The following MAPK4 variants were observed in gnomAD, a reference collection of about 807,000 sequenced individuals.
MAPK4 encodes mitogen-activated protein kinase 4.
Under a neutral mutation model 47.7 loss-of-function variants are expected in MAPK4, and 22 were observed. That is an observed-to-expected ratio of 0.46 (90% CI 0.33 to 0.66). The LOEUF is 0.66. MAPK4 is among the 30% of genes least tolerant of loss of function. The pLI is 0.02. For synonymous variants in MAPK4, 390 were observed against 365.7 expected (o/e 1.07, Z -0.76); for missense variants, 736 against 831.7 (o/e 0.88, Z 1.42).
intron 1 of MAPK4, among the ~76,000 whole-genome samples, chr18:50,597,472 G>A (rs1453492491): frequency 1.3e-5 from 2 of 152,170 alleles, no homozygotes; most frequent in Non-Finnish European, 2.9e-5. Context: ...ATAGGTTTCT[G>A]GTTTTACATC....
In MAPK4 at chr18:50,730,300, G is replaced by C. The variant is rs143981075; in HGVS notation, c.*446G>C. Reference sequence around the variant, plus strand: ...AAGATCACAGGCTTAGTGTGAGGACGAGCTTGAAATCCCAGTCTCCTGGCC... The same window carrying C: ...AAGATCACAGGCTTAGTGTGAGGACCAGCTTGAAATCCCAGTCTCCTGGCC... On this transcript the variant is annotated 3_prime_UTR_variant, in exon 6 of 6. Coordinates refer to ENST00000400384, the MANE Select transcript of MAPK4 (RefSeq NM_002747.4). The C allele has an allele frequency of 1.7e-3, 271 of 155,112 alleles. 3 individuals carry two copies. The highest frequency in any genetic ancestry group is 6.5e-3 in the Middle Eastern group (2 of 308). The allele number at this position is 155,112 out of a possible 1,614,324, so 9.6% of individuals were successfully genotyped here.
intron 2 of MAPK4, among the ~76,000 whole-genome samples, chr18:50,710,263 G>C (rs1477939405): frequency 6.6e-6 from 1 of 152,070 alleles, no homozygotes; most frequent in African/African-American, 2.4e-5. Context: ...TGGGAGGATT[G>C]CTTGAGCTCA....
intron 2 of MAPK4, among the ~76,000 whole-genome samples, chr18:50,700,261 G>A (rs1909717039): frequency 6.6e-6 from 1 of 152,152 alleles, no homozygotes; most frequent in African/African-American, 2.4e-5. Flanking sequence ...TGTCACTCAG[G>A]AAATTCCAAG....
At chr18:50,700,904 A>G (rs1909751704) in intron 2 of MAPK4, among the ~76,000 whole-genome samples, 1 of 151,956 alleles carries the variant, frequency 6.6e-6, no homozygotes, top group Non-Finnish European at 1.5e-5. Flanking sequence ...AGGAAATCAA[A>G]CCTTTTCTGG....
In MAPK4 at chr18:50,725,984, C is replaced by T. The variant is rs1911171477; in HGVS notation, c.876C>T (p.Ile292=). Residue 292 remains isoleucine (I), a synonymous_variant, in exon 5 of 6, where the codon ATC becomes ATT. Coordinates refer to ENST00000400384, the MANE Select transcript of MAPK4 (RefSeq NM_002747.4). ...NSEAIDFLEK[I]LTFNPMDRLT... is the part of the protein sequence containing the mutation. ...CAGCCATCGACTTTCTGGAGAAGAT[C>T]CTGACCTTTAACCCCATGGATCGCC... 1 of 1,614,064 alleles carries T rather than the reference C, an allele frequency of 6.2e-7. No individual in the cohort carries two copies. Among genetic ancestry groups the T allele is most frequent in the Non-Finnish European group, 8.5e-7 (1 of 1,180,048 alleles).
intron 2 of MAPK4, among the ~76,000 whole-genome samples, chr18:50,666,120 T>C (rs906586468): frequency 1.3e-5 from 2 of 152,200 alleles, no homozygotes; most frequent in Non-Finnish European, 2.9e-5. Flanking sequence ...AAGAACCTGA[T>C]TAAGTGAGCT....
At chr18:50,608,731 G>T (rs2338831) in intron 1 of MAPK4, among the ~76,000 whole-genome samples, 146,349 of 151,774 alleles carry the variant, frequency 0.96, 70,759 homozygotes, top group South Asian at 1. Context: ...TATTATTTTT[G>T]TTTAGTATTT....
chr18:50,597,568 T>C (rs570279060), intron 1 of MAPK4, among the ~76,000 whole-genome samples: 17 of 152,362 alleles, frequency 1.1e-4, no homozygotes, highest in Non-Finnish European at 2.4e-4. Context: ...TACAGTGATC[T>C]ACTTTCTTAG....
chr18:50,576,320 G>A (rs2042297084), intron 1 of MAPK4, among the ~76,000 whole-genome samples: 1 of 152,184 alleles, frequency 6.6e-6, no homozygotes, highest in Non-Finnish European at 1.5e-5. Context: ...AGAAGAACAA[G>A]GAGATCATGT....
intron 1 of MAPK4, among the ~76,000 whole-genome samples, chr18:50,593,814 C>CA (rs1224255691): frequency 2.6e-5 from 4 of 152,150 alleles, no homozygotes; most frequent in Non-Finnish European, 5.9e-5. Flanking sequence ...CTACCTGAGT[C>CA]AGGGTTCTCC....
chr18:50,729,505 C>A lies in MAPK4; in HGVS notation c.1415C>A (p.Thr472Lys), dbSNP rs777927956. 2.2e-5 allele frequency: 32 copies of A among 1,454,190 alleles called. No homozygotes were observed. Among genetic ancestry groups the A allele is most frequent in the Non-Finnish European group, 5.5e-6 (6 of 1,100,376 alleles). 90.1% of individuals were successfully genotyped at this position (1,454,190 alleles called of 1,614,324 possible). ...AAGCAGGCGGCCGGCGCGCCCCCCACGGCCACGGGGCTGGCGGACACGGGG... is the reference window on the plus strand; with the variant it reads ...AAGCAGGCGGCCGGCGCGCCCCCCAAGGCCACGGGGCTGGCGGACACGGGG... The part of the protein sequence containing the change: ...HWKQAAGAPP[T>K]ATGLADTGAR... The change falls in exon 6 of 6, where the codon ACG (threonine) becomes AAG (lysine). Residue 472 changes from threonine to lysine, a missense_variant. Physicochemically the swap from Thr to Lys is moderately conservative, Grantham distance 78. Transcript: ENST00000400384.
intron 1 of MAPK4, among the ~76,000 whole-genome samples, chr18:50,655,178 G>A (rs942201254): frequency 1.3e-5 from 2 of 152,206 alleles, no homozygotes; most frequent in Non-Finnish European, 2.9e-5. Context: ...GCCTCCCAGG[G>A]ACCTTAAGAT....
chr18:50,680,531 T>G (rs903947509), intron 2 of MAPK4, among the ~76,000 whole-genome samples: 1 of 152,164 alleles, frequency 6.6e-6, no homozygotes, highest in Non-Finnish European at 1.5e-5. Context: ...AACATTTTCA[T>G]TACCCCCAAA....
intron 2 of MAPK4, among the ~76,000 whole-genome samples, chr18:50,704,377 T>A (rs1285796496): frequency 6.6e-6 from 1 of 152,004 alleles, no homozygotes; most frequent in Non-Finnish European, 1.5e-5. Flanking sequence ...GGCGTGGTGG[T>A]GCATGCCTGT....
intron 1 of MAPK4, among the ~76,000 whole-genome samples, chr18:50,621,411 G>T (rs1031498320): frequency 2.0e-5 from 3 of 152,280 alleles, no homozygotes; most frequent in East Asian, 3.8e-4. Flanking sequence ...TATGTGAGCA[G>T]GAAACCTTAA....
chr18:50,654,783 C>T (rs1441686277), intron 1 of MAPK4, among the ~76,000 whole-genome samples: 2 of 152,230 alleles, frequency 1.3e-5, no homozygotes, highest in Non-Finnish European at 2.9e-5. Context: ...GACCCAGATG[C>T]TCCCCTTCCC....
chr18:50,687,939 T>C (rs1454192944), intron 2 of MAPK4, among the ~76,000 whole-genome samples: 5 of 152,140 alleles, frequency 3.3e-5, no homozygotes. Flanking sequence ...GTTTAACCTT[T>C]AGCGAGATCA....
intron 2 of MAPK4, among the ~76,000 whole-genome samples, chr18:50,682,929 TGTA>T (rs1908668349): frequency 6.6e-6 from 1 of 152,200 alleles, no homozygotes; most frequent in Non-Finnish European, 1.5e-5. Context: ...ACACTACAGA[TGTA>T]TCTCAGGAGA....
chr18:50,717,843 G>T (rs542267325), intron 3 of MAPK4, among the ~76,000 whole-genome samples: 1 of 152,314 alleles, frequency 6.6e-6, no homozygotes, highest in Admixed American at 6.5e-5. Context: ...GACCACCTAA[G>T]CCCACAGGTG....
Sources: allele counts gnomAD v4.1 joint callset (sites outside exome capture counted in the v4.1 genomes callset), GRCh38; gene constraint gnomAD v4.1.1; transcripts MANE v1.5; gene names NCBI Gene and HGNC (gene_info 2026-07-23, HGNC 2026-07-21).